AADAT: variants seen among roughly 807,000 people sequenced by gnomAD.
AADAT encodes aminoadipate aminotransferase.
In AADAT, 25 loss-of-function variants were observed where a neutral mutation model predicts 56.2. The ratio of observed to expected loss-of-function variants is 0.44; its 90% CI spans 0.32 to 0.62. The LOEUF (loss-of-function observed/expected upper bound fraction) is 0.62, where lower values mean the gene tolerates loss of function less well. Among genes scored for constraint, AADAT ranks in the 20% least tolerant of loss-of-function variants. The pLI, the probability that AADAT is intolerant of heterozygous loss-of-function variation, is 0.04. For synonymous variants in AADAT, 173 were observed against 164.7 expected (o/e 1.05, Z -0.39); for missense variants, 387 against 510.5 (o/e 0.76, Z 2.33).
At chr4:170,087,356 T>TA in intron 2 of AADAT, 108 bp from the exon 3 acceptor site, 2 of 1,013,282 alleles carry the variant, frequency 2.0e-6, no homozygotes, top group Non-Finnish European at 2.8e-6. Flanking sequence ...TACACTCAAT[T>TA]AAAAAACCCT....
upstream of AADAT, among the ~76,000 whole-genome samples, chr4:170,091,130 G>A (rs1038246520): frequency 2.6e-5 from 4 of 152,236 alleles, no homozygotes; most frequent in Non-Finnish European, 4.4e-5. Context: ...CACTCTGACC[G>A]CGCTTGAGGG....
intron 10 of AADAT, among the ~76,000 whole-genome samples, chr4:170,065,266 G>A (rs915544555): frequency 6.6e-6 from 1 of 152,116 alleles, no homozygotes; most frequent in Admixed American, 6.5e-5. Context: ...CAGTGGATTA[G>A]CGTTTTTATC....
chr4:170,063,917 A>G (rs1731317145), intron 11 of AADAT, among the ~76,000 whole-genome samples: 1 of 152,172 alleles, frequency 6.6e-6, no homozygotes, highest in Non-Finnish European at 1.5e-5. Context: ...TGATGCCTCC[A>G]ATGAAACCTA....
At chr4:170,091,422 C>T (rs372955185), upstream of AADAT, among the ~76,000 whole-genome samples, 5 of 152,324 alleles carry the variant, frequency 3.3e-5, no homozygotes, top group South Asian at 2.1e-4. Context: ...GCCGGCTCAC[C>T]GGCGCTACCT....
In AADAT at chr4:170,068,676, C is replaced by T; in HGVS notation, c.815G>A (p.Gly272Glu). 1 of 1,596,114 alleles carries T rather than the reference C, an allele frequency of 6.3e-7. No individual in the cohort carries two copies. The highest frequency in any genetic ancestry group is 8.5e-7 in the Non-Finnish European group (1 of 1,175,552). ...TAAGGGTTTTGGACCAGTTAAAAAT[C>T]CTATTCTCAACCTACGTGGAAAGAG... ...SKIISSGLRI[G>E]FLTGPKPLIE... Residue 272 changes from glycine (G) to glutamate (E), a missense_variant, in exon 8 of 13, where the codon GGA becomes GAA. Transcript: ENST00000337664.
At chr4:170,081,040 A>G (rs1409056298) in intron 3 of AADAT, among the ~76,000 whole-genome samples, 1 of 152,198 alleles carries the variant, frequency 6.6e-6, no homozygotes, top group African/African-American at 2.4e-5. Flanking sequence ...AAACTCAGTG[A>G]TCTTCAAGGT....
chr4:170,093,876 G>T (rs896520006), upstream of AADAT, among the ~76,000 whole-genome samples: 2 of 152,182 alleles, frequency 1.3e-5, no homozygotes, highest in African/African-American at 4.8e-5. Flanking sequence ...GAGATTACAG[G>T]CATGAGCCAG....
At chr4:170,061,418 A>G (rs956020879) in intron 12 of AADAT, among the ~76,000 whole-genome samples, 2 of 152,212 alleles carry the variant, frequency 1.3e-5, no homozygotes, top group Non-Finnish European at 2.9e-5. Flanking sequence ...AACTCTTCTC[A>G]AGGTTAATGG....
At chr4:170,085,793 C>T (rs1732531392) in intron 3 of AADAT, among the ~76,000 whole-genome samples, 1 of 151,902 alleles carries the variant, frequency 6.6e-6, no homozygotes, top group Admixed American at 6.6e-5. Context: ...TTTTTAAAAA[C>T]TTTAAAAAAT....
At chr4:170,084,749 C>T (rs752568299) in intron 3 of AADAT, among the ~76,000 whole-genome samples, 1 of 152,180 alleles carries the variant, frequency 6.6e-6, no homozygotes, top group Non-Finnish European at 1.5e-5. Flanking sequence ...CTTTTGGCAT[C>T]TTATGACAAA....
chr4:170,070,376 A>G, intron 6 of AADAT: 2 of 412,220 alleles, frequency 4.9e-6, no homozygotes, highest in Non-Finnish European at 8.6e-6. Context: ...ATTTCTGGAA[A>G]GAGCAGTAAT....
At chr4:170,062,178 T>C (rs548647616) in intron 11 of AADAT, among the ~76,000 whole-genome samples, 185 bp from the exon 12 acceptor site, 1 of 152,238 alleles carries the variant, frequency 6.6e-6, no homozygotes, top group Non-Finnish European at 1.5e-5. Context: ...ACTAAACACA[T>C]AGAAACTGAA....
intron 4 of AADAT, among the ~76,000 whole-genome samples, chr4:170,076,438 G>A (rs552672899): frequency 3.7e-4 from 57 of 152,202 alleles, no homozygotes; most frequent in African/African-American, 1.3e-3. Flanking sequence ...GCTTTCATAC[G>A]TTGATTTATG....
intron 10 of AADAT, 78 bp downstream of exon 10, chr4:170,066,336 T>G: frequency 8.3e-7 from 1 of 1,200,366 alleles, no homozygotes; most frequent in East Asian, 2.3e-5. Context: ...ACCAGGATTG[T>G]TAGTAATATT....
intron 4 of AADAT, among the ~76,000 whole-genome samples, chr4:170,074,523 T>C (rs1288495280): frequency 6.6e-6 from 1 of 152,180 alleles, no homozygotes; most frequent in Non-Finnish European, 1.5e-5. Flanking sequence ...TCATTTACTG[T>C]TGTGTTCATA....
At chr4:170,078,020 C>A (rs980991418) in intron 4 of AADAT, among the ~76,000 whole-genome samples, 1 of 152,128 alleles carries the variant, frequency 6.6e-6, no homozygotes, top group African/African-American at 2.4e-5. Flanking sequence ...GTGCTCTGAC[C>A]AGTGCAGAGC....
At chr4:170,074,255 T>C (rs780913886) in intron 4 of AADAT, among the ~76,000 whole-genome samples, 33 of 152,136 alleles carry the variant, frequency 2.2e-4, no homozygotes, top group South Asian at 6.2e-4. Context: ...GTTTGTTACA[T>C]GGGTATACTG....
chr4:170,068,969 T>C (rs1234113620), intron 7 of AADAT, among the ~76,000 whole-genome samples, 179 bp downstream of exon 7: 1 of 152,198 alleles, frequency 6.6e-6, no homozygotes, highest in Non-Finnish European at 1.5e-5. Flanking sequence ...AATCTTTGAC[T>C]ATTGCAGGTG....
At chr4:170,088,367 A>G (rs1415798718) in intron 2 of AADAT, 29 bp downstream of exon 2, 3 of 1,541,668 alleles carry the variant, frequency 1.9e-6, no homozygotes, top group East Asian at 2.3e-5. Context: ...AAATAAGCCA[A>G]TAAAATTATG....
Sources: allele counts gnomAD v4.1 joint callset (sites outside exome capture counted in the v4.1 genomes callset), GRCh38; gene constraint gnomAD v4.1.1; transcripts MANE v1.5; gene names NCBI Gene and HGNC (gene_info 2026-07-23, HGNC 2026-07-21).